The following TRPM3 variants were observed in gnomAD, a reference collection of about 807,000 sequenced individuals.
TRPM3 encodes long transient receptor potential channel 3.
Under a neutral mutation model 181.2 loss-of-function variants are expected in TRPM3, and 77 were observed. That is an observed-to-expected ratio of 0.42 (90% CI 0.35 to 0.51). The LOEUF is 0.51. TRPM3 is among the 20% of genes least tolerant of loss of function. The pLI, the probability that TRPM3 is intolerant of heterozygous loss-of-function variation, is 0.01. For missense variants in TRPM3, 1,759 were observed against 2,196.7 expected (o/e 0.80, Z 3.98); for synonymous variants, 745 against 796.4 (o/e 0.94, Z 1.09).
intron 1 of TRPM3, among the ~76,000 whole-genome samples, chr9:71,038,228 G>A (rs1356800404): frequency 6.6e-6 from 1 of 152,236 alleles, no homozygotes; most frequent in East Asian, 1.9e-4. Context: ...ACTAATGAAT[G>A]TAGATCAGGA....
At chr9:71,226,009 T>TAAAAAAAAAAAAAA in intron 1 of TRPM3, among the ~76,000 whole-genome samples, 7 of 34,706 alleles carry the variant, frequency 2.0e-4, no homozygotes, top group Admixed American at 4.6e-4. Flanking sequence ...CAACAAAAGG[T>TAAAAAAAAAAAAAA]AAAAAAAAAA....
Position 70,616,091 on chromosome 9 carries a change from T to C in TRPM3, c.2359-16A>G, listed in dbSNP as rs2062730121. 6.6e-7 allele frequency: 1 copy of C among 1,520,818 alleles called. No individual in the cohort carries two copies. Among genetic ancestry groups the C allele is most frequent in the African/African-American group, 1.4e-5 (1 of 70,676 alleles). 94.2% of individuals were successfully genotyped at this position (1,520,818 alleles called of 1,614,324 possible). ...CCAGAATTACCTAAAGTAATAATAA[T>C]GATAATAATAATAATCACATTTAAA... is the stretch of plus-strand genomic sequence containing the variant. On this transcript the variant is annotated splice_polypyrimidine_tract_variant and intron_variant, in intron 17 of 25. Transcript: ENST00000677713.
chr9:70,866,846 A>G (rs935586251), intron 1 of TRPM3, among the ~76,000 whole-genome samples: 2 of 152,042 alleles, frequency 1.3e-5, no homozygotes, highest in Admixed American at 6.6e-5. Flanking sequence ...CTACTTTTAT[A>G]TCCATTTTTC....
intron 7 of TRPM3, among the ~76,000 whole-genome samples, chr9:70,763,020 A>G (rs1354628697): frequency 6.6e-6 from 1 of 152,146 alleles, no homozygotes. Context: ...TCTTCTTATC[A>G]GTGACCTGCT....
intron 1 of TRPM3, among the ~76,000 whole-genome samples, chr9:71,089,109 G>GAT (rs1332692022): frequency 6.9e-6 from 1 of 145,690 alleles, no homozygotes; most frequent in Non-Finnish European, 1.5e-5. Context: ...TTATATATAT[G>GAT]ATATATATTG....
rs1446832256 is a variant in TRPM3, at chr9:71,286,987, A to ATTGCATATTGCAT, written c.183+159665_183+159666insATGCAATATGCAA. ...TATATATAATATAATTATATTATAT[A>ATTGCATATTGCAT]ATTATATTATATAATATACAACATA... is the stretch of plus-strand genomic sequence containing the variant. On this transcript the variant is annotated intron_variant, in intron 1 of 24. Coordinates refer to the TRPM3 transcript ENST00000357533. Among the ~76,000 whole-genome samples the ATTGCATATTGCAT allele has an allele frequency of 6.4e-3, 908 of 142,614 alleles. 17 individuals are homozygous for ATTGCATATTGCAT. Among genetic ancestry groups the ATTGCATATTGCAT allele is most frequent in the African/African-American group, 0.022 (854 of 39,036 alleles). 93.6% of individuals were successfully genotyped at this position (142,614 alleles called of 152,430 possible).
At chr9:70,926,442 A>G (rs1266752558) in intron 1 of TRPM3, among the ~76,000 whole-genome samples, 2 of 152,210 alleles carry the variant, frequency 1.3e-5, no homozygotes, top group Non-Finnish European at 2.9e-5. Flanking sequence ...GATTTCATAG[A>G]GAGATGCACA....
intron 1 of TRPM3, among the ~76,000 whole-genome samples, chr9:71,143,166 T>C (rs949487257): frequency 1.3e-5 from 2 of 151,572 alleles, no homozygotes; most frequent in African/African-American, 4.8e-5. Context: ...TTTGTTTCCA[T>C]TGGTAGAACT....
At chr9:70,750,472 G>A (rs1323384770) in intron 8 of TRPM3, among the ~76,000 whole-genome samples, 1 of 152,202 alleles carries the variant, frequency 6.6e-6, no homozygotes, top group Admixed American at 6.5e-5. Flanking sequence ...CAAGCATCAA[G>A]CCTGGAGGAG....
chr9:71,202,605 T>C (rs2078877477), intron 1 of TRPM3, among the ~76,000 whole-genome samples: 1 of 152,176 alleles, frequency 6.6e-6, no homozygotes, highest in African/African-American at 2.4e-5. Flanking sequence ...CAAAACCTCA[T>C]GGGAAGATTA....
intron 1 of TRPM3, among the ~76,000 whole-genome samples, chr9:71,318,343 T>G (rs774277689): frequency 6.6e-6 from 1 of 152,134 alleles, no homozygotes; most frequent in Non-Finnish European, 1.5e-5. Flanking sequence ...AAATCCAAAA[T>G]TTTGACTTAC....
chr9:70,881,770 G>GT (rs953068099), intron 1 of TRPM3, among the ~76,000 whole-genome samples: 2 of 152,134 alleles, frequency 1.3e-5, no homozygotes, highest in African/African-American at 4.8e-5. Flanking sequence ...TTCCTTTACA[G>GT]TACTGCCTTT....
chr9:71,143,107 A>G (rs1408225489), intron 1 of TRPM3, among the ~76,000 whole-genome samples: 1 of 151,240 alleles, frequency 6.6e-6, no homozygotes, highest in Non-Finnish European at 1.5e-5. Flanking sequence ...CATGGAGGAC[A>G]GAATGAGACC....
chr9:70,924,631 C>T (rs781608473), intron 1 of TRPM3, among the ~76,000 whole-genome samples: 6 of 152,182 alleles, frequency 3.9e-5, no homozygotes, highest in South Asian at 2.1e-4. Context: ...ATTGCTTTCA[C>T]GATTAACAGT....
rs1309090862 is a variant in TRPM3, at chr9:70,534,569, A to G, written c.*1384T>C. On this transcript the variant is annotated 3_prime_UTR_variant, in exon 26 of 26. Coordinates refer to ENST00000677713, the MANE Select transcript of TRPM3 (RefSeq NM_001366145.2). ...AGTGGCATATACTATAGAACTCTTT[A>G]TATGGTTTATTTGCTTTCTATTTTG... The G allele has an allele frequency of 6.6e-6, 1 of 152,126 alleles. No individual in the cohort carries two copies. The highest frequency in any genetic ancestry group is 1.5e-5 in the Non-Finnish European group (1 of 68,032). 9.4% of individuals were successfully genotyped at this position (152,126 alleles called of 1,614,324 possible).
At chr9:71,328,082 A>C (rs906125106) in intron 1 of TRPM3, among the ~76,000 whole-genome samples, 15 of 143,856 alleles carry the variant, frequency 1.0e-4, no homozygotes, top group Non-Finnish European at 1.5e-4. Context: ...AAAAAAAAAC[A>C]AAAAAAAAAC....
chr9:71,262,619 T>C (rs998145159), intron 1 of TRPM3, among the ~76,000 whole-genome samples: 1 of 152,306 alleles, frequency 6.6e-6, no homozygotes, highest in Non-Finnish European at 1.5e-5. Context: ...TCTGCCCAAA[T>C]GACCTCCCAG....
intron 1 of TRPM3, among the ~76,000 whole-genome samples, chr9:71,138,396 C>G (rs77947065): frequency 0.025 from 3,739 of 152,196 alleles, 154 homozygotes; most frequent in African/African-American, 0.085. Context: ...TGCCTGAACT[C>G]AGGACACAGA....
intron 1 of TRPM3, among the ~76,000 whole-genome samples, chr9:71,363,350 A>AT (rs566356028): frequency 9.9e-5 from 15 of 152,248 alleles, no homozygotes; most frequent in African/African-American, 3.6e-4. Flanking sequence ...GAGTTGTGTG[A>AT]TTTTTTCCTA....
Sources: gnomAD v4.1 joint callset for allele counts (sites outside exome capture counted in the v4.1 genomes callset) on GRCh38, gnomAD v4.1.1 for gene constraint, MANE v1.5 for transcripts, NCBI Gene and HGNC (gene_info 2026-07-23, HGNC 2026-07-21) for gene names.